Variants in FZD3 observed in about 807,000 individuals in gnomAD.
FZD3 encodes frizzled-3.
Under a neutral mutation model 60.7 loss-of-function variants are expected in FZD3, and 30 were observed. The observed-to-expected ratio is 0.49, with a 90% confidence interval of 0.37 to 0.67. FZD3 has a LOEUF of 0.67. FZD3 is among the 30% of genes least tolerant of loss of function. FZD3 has a pLI of 0.00. For synonymous variants in FZD3, 246 were observed against 275.2 expected (o/e 0.89, Z 1.05); for missense variants, 605 against 838.7 (o/e 0.72, Z 3.44).
intron 5 of FZD3, among the ~76,000 whole-genome samples, chr8:28,547,330 C>T (rs1355072284): frequency 6.6e-6 from 1 of 152,270 alleles, no homozygotes; most frequent in Admixed American, 6.5e-5. Context: ...CATATTGCTT[C>T]TAATATTTTA....
chr8:28,530,383 A>T (rs1804837167), intron 5 of FZD3: 1 of 152,012 alleles, frequency 6.6e-6, no homozygotes, highest in African/African-American at 2.4e-5. Flanking sequence ...AGGATTATGC[A>T]TGTAAATACT....
In FZD3 at chr8:28,502,926, C is replaced by A; in HGVS notation, c.-88C>A. On this transcript the variant is annotated 5_prime_UTR_variant, in exon 3 of 8. Coordinates refer to ENST00000240093, the MANE Select transcript of FZD3 (RefSeq NM_017412.4). ...TAACAGTAAGATACAGAAGAAGTAC[C>A]TTCGAGCTGAGACCTGCAGGTGTAT... The A allele has an allele frequency of 1.3e-6, 1 of 789,120 alleles. No homozygotes were observed. Among genetic ancestry groups the A allele is most frequent in the South Asian group, 2.0e-5 (1 of 51,156 alleles). The allele number at this position is 789,120 out of a possible 1,614,324, so 48.9% of individuals were successfully genotyped here.
chr8:28,534,001 T>C (rs970997849), intron 5 of FZD3, among the ~76,000 whole-genome samples: 2 of 152,220 alleles, frequency 1.3e-5, no homozygotes, highest in Non-Finnish European at 2.9e-5. Context: ...ATAGACTTCA[T>C]TGTGGGTAAA....
At chr8:28,543,148 A>G (rs1016873306) in intron 5 of FZD3, among the ~76,000 whole-genome samples, 1 of 152,246 alleles carries the variant, frequency 6.6e-6, no homozygotes, top group Non-Finnish European at 1.5e-5. Flanking sequence ...CTAATTCTGC[A>G]ATCAACTCTG....
At position 28,570,903 on chromosome 8, in the gene FZD3, T is replaced by G. The variant is rs1805795733; in HGVS notation, c.*7892T>G. ...TTCTGGTGTGATTCTTTAGCTACAT[T>G]TATTCCTTGTCTTATGTCATTTCAC... On this transcript the variant is annotated 3_prime_UTR_variant, in exon 8 of 8. Transcript: ENST00000240093. The G allele has an allele frequency of 6.6e-6, 1 of 152,056 alleles. No homozygotes were observed. Among genetic ancestry groups the G allele is most frequent in the African/African-American group, 2.4e-5 (1 of 41,414 alleles). The allele number at this position is 152,056 out of a possible 1,614,324, so 9.4% of individuals were successfully genotyped here. A position where few individuals can be genotyped will look rare whatever the true frequency, so the allele number is the denominator to read the frequency against.
intron 5 of FZD3, among the ~76,000 whole-genome samples, chr8:28,531,548 A>G (rs1804875809): frequency 6.6e-6 from 1 of 152,156 alleles, no homozygotes; most frequent in African/African-American, 2.4e-5. Flanking sequence ...GTTCAACTTA[A>G]GTCGTTATTT....
chr8:28,510,985 C>T (rs1297342282), intron 3 of FZD3, among the ~76,000 whole-genome samples: 6 of 151,898 alleles, frequency 4.0e-5, no homozygotes, highest in South Asian at 2.1e-4. Flanking sequence ...TGCAGTGAGC[C>T]GAGATCATGC....
At chr8:28,543,275 T>C (rs896653023) in intron 5 of FZD3, among the ~76,000 whole-genome samples, 24 of 152,216 alleles carry the variant, frequency 1.6e-4, no homozygotes, top group African/African-American at 5.5e-4. Context: ...TAATTATTTT[T>C]CTTCAGTTAG....
In FZD3 at chr8:28,564,497, C is replaced by CT. The variant is rs1286717304; in HGVS notation, c.*1488dup. The CT allele has an allele frequency of 6.9e-6, 1 of 144,648 alleles. No homozygotes were observed. The highest frequency in any genetic ancestry group is 1.5e-5 in the Non-Finnish European group (1 of 66,324). The allele number at this position is 144,648 out of a possible 1,614,324, so 9.0% of individuals were successfully genotyped here. A position where few individuals can be genotyped will look rare whatever the true frequency, so the allele number is the denominator to read the frequency against. On this transcript the variant is annotated 3_prime_UTR_variant, in exon 8 of 8. Transcript: ENST00000240093. Reference sequence around the variant, plus strand: ...CAGGTGATTCTAATCTGCAGCCTGGCTTGAAACTCACTACTTTAACTTGCC... The same window carrying CT: ...CAGGTGATTCTAATCTGCAGCCTGGCTTTGAAACTCACTACTTTAACTTGCC...
rs752369964 is a variant in FZD3, at chr8:28,555,988, G to A, written c.1787+17G>A. 2.7e-6 allele frequency: 4 copies of A among 1,492,366 alleles called. No homozygotes were observed. Among genetic ancestry groups the A allele is most frequent in the South Asian group, 2.3e-5 (2 of 87,688 alleles). The allele number at this position is 1,492,366 out of a possible 1,614,324, so 92.4% of individuals were successfully genotyped here. On this transcript the variant is annotated intron_variant, in intron 7 of 7. Coordinates refer to ENST00000240093, the MANE Select transcript of FZD3 (RefSeq NM_017412.4). ...TGATGGCAGGTGAGTTTTGTTAGTA[G>A]TGTAGTTTATTTCATAAGCTGAATT... is the stretch of plus-strand genomic sequence containing the variant.
chr8:28,527,493 T>C lies in FZD3; in HGVS notation c.733T>C (p.Tyr245His). The change falls in exon 5 of 8, where the codon TAC (tyrosine) becomes CAC (histidine). Residue 245 changes from tyrosine to histidine, a missense_variant. Transcript: ENST00000240093. This position sits in a 1 kb window ranked among gnomAD's most constrained non-coding sequence, Gnocchi z 5.0. ...GCCTATTATATTTTATGCAGTCTGC[T>C]ACATGATGGTATCCTTAATTTTCTT... Reference protein sequence around the residue: ...ERPIIFYAVCYMMVSLIFFIG... With the variant: ...ERPIIFYAVCHMMVSLIFFIG... The C allele has an allele frequency of 6.2e-7, 1 of 1,613,902 alleles. No homozygotes were observed. Among genetic ancestry groups the C allele is most frequent in the South Asian group, 1.1e-5 (1 of 91,076 alleles).
intron 5 of FZD3, among the ~76,000 whole-genome samples, chr8:28,538,803 CT>C (rs1396668086): frequency 8.6e-6 from 1 of 116,268 alleles, no homozygotes; most frequent in Non-Finnish European, 2.0e-5. Context: ...TGTTTTTCCC[CT>C]TTTATAAAAT....
Position 28,500,447 on chromosome 8 carries a change from T to TAAAC in FZD3, c.-345+469_-345+470insAAAC, listed in dbSNP as rs1426407585. 3.7e-4 allele frequency among the ~76,000 whole-genome samples: 56 copies of TAAAC among 152,334 alleles called. No individual in the cohort carries two copies. In the East Asian group the frequency reaches 4.6e-3, roughly 13 times the overall value. ...TTCTTCTTCAGGTTTTATGTGGTAG[T>TAAAC]CTTCTTTGAACCATTGATTTGAAAC... On this transcript the variant is annotated intron_variant, in intron 2 of 7. Transcript: ENST00000240093.
intron 5 of FZD3, among the ~76,000 whole-genome samples, chr8:28,547,236 A>G (rs539925913): frequency 1.1e-3 from 173 of 152,312 alleles, no homozygotes; most frequent in South Asian, 7.2e-3. Context: ...ATTTAATGAT[A>G]TATTTTGGAG....
chr8:28,554,961 A>G (rs992863940), intron 6 of FZD3, among the ~76,000 whole-genome samples: 1 of 152,072 alleles, frequency 6.6e-6, no homozygotes, highest in Admixed American at 6.5e-5. Context: ...AACCTTTACA[A>G]CTGTTTAATT....
chr8:28,568,984 T>C lies in FZD3; in HGVS notation c.*5973T>C, dbSNP rs2130489499. The C allele has an allele frequency of 6.6e-6, 1 of 152,304 alleles. No individual in the cohort carries two copies. The highest frequency in any genetic ancestry group is 2.1e-4 in the South Asian group (1 of 4,826). 9.4% of individuals were successfully genotyped at this position (152,304 alleles called of 1,614,324 possible). A position where few individuals can be genotyped will look rare whatever the true frequency, so the allele number is the denominator to read the frequency against. On this transcript the variant is annotated 3_prime_UTR_variant, in exon 8 of 8. Transcript: ENST00000240093. ...TTGAAATAATTCAGATTTTGAAGAT[T>C]CACTGTTTCATTATTTTGCTAATTA...
At chr8:28,523,928 A>G (rs1804650062) in intron 4 of FZD3, among the ~76,000 whole-genome samples, 1 of 152,120 alleles carries the variant, frequency 6.6e-6, no homozygotes, top group Non-Finnish European at 1.5e-5. Flanking sequence ...GGTTCCTGAT[A>G]AAAGGATGAG....
chr8:28,549,510 A>G (rs1020613906), intron 5 of FZD3, among the ~76,000 whole-genome samples: 1 of 152,154 alleles, frequency 6.6e-6, no homozygotes, highest in African/African-American at 2.4e-5. Flanking sequence ...TATATTATTT[A>G]TAAATAATGA....
rs1233723382 is a variant in FZD3, at chr8:28,568,467, A to G, written c.*5456A>G. 3 of 152,030 alleles carry G rather than the reference A, an allele frequency of 2.0e-5. No homozygotes were observed. The highest frequency in any genetic ancestry group is 4.4e-5 in the Non-Finnish European group (3 of 67,980). The allele number at this position is 152,030 out of a possible 1,614,324, so 9.4% of individuals were successfully genotyped here. On this transcript the variant is annotated 3_prime_UTR_variant, in exon 8 of 8. Coordinates refer to ENST00000240093, the MANE Select transcript of FZD3 (RefSeq NM_017412.4). ...GTCTCCTGGGTTTTTTACTAATTTA[A>G]TCTTAATCCTGTGCTTCTTTAGTCA...
Sources: gnomAD v4.1 joint callset for allele counts (sites outside exome capture counted in the v4.1 genomes callset) on GRCh38, gnomAD v4.1.1 for gene constraint, Gnocchi (gnomAD v3.1) non-coding constraint, MANE v1.5 for transcripts, NCBI Gene and HGNC (gene_info 2026-07-23, HGNC 2026-07-21) for gene names.